DCAF8L2: variants seen among roughly 807,000 people sequenced by gnomAD.
DCAF8L2 encodes DDB1- and CUL4-associated factor 8-like protein 2.
For synonymous variants in DCAF8L2, 200 were observed against 190.9 expected (o/e 1.05, Z -0.39); for missense variants, 430 against 490.7 (o/e 0.88, Z 1.17).
the DCAF8L2 span, among the ~76,000 whole-genome samples, chrX:27,562,811 A>G: frequency 2.8e-4 from 31 of 112,196 alleles, no homozygotes; most frequent in Non-Finnish European, 1.7e-4. Context: ...CTCGGAAGCA[A>G]AAGTGGAAAG....
chrX:27,619,078 C>T (rs769379096), intron 1 of DCAF8L2, among the ~76,000 whole-genome samples: 1 of 109,511 alleles, frequency 9.1e-6, no homozygotes, highest in South Asian at 3.9e-4. Context: ...ACTTACCTAC[C>T]TATCCATCTA....
chrX:27,741,403 GCCCCTGCCCCCACC>G (rs1282256844), intron 4 of DCAF8L2, among the ~76,000 whole-genome samples: 2 of 65,764 alleles, frequency 3.0e-5, no homozygotes, highest in Non-Finnish European at 5.7e-5. Flanking sequence ...AGCCTAGCCC[GCCCCTGCCCCCACC>G]CCCATGCCCC....
chrX:27,484,219 T>G, the DCAF8L2 span, among the ~76,000 whole-genome samples: 2 of 111,743 alleles, frequency 1.8e-5, no homozygotes, highest in African/African-American at 6.5e-5. Context: ...GGCATTTGTA[T>G]AGTGTATACA....
In DCAF8L2 at chrX:27,720,530, C is replaced by T. The variant is rs957442320; in HGVS notation, c.-59+4359C>T. ...CTGGGACTACAGGCGCCCGCCACCGCGCCTGGCTAATTTTTTGTATTTTTA... is the reference window on the plus strand; with the variant it reads ...CTGGGACTACAGGCGCCCGCCACCGTGCCTGGCTAATTTTTTGTATTTTTA... On this transcript the variant is annotated intron_variant, in intron 4 of 4. Coordinates refer to ENST00000451261, the MANE Select transcript of DCAF8L2 (RefSeq NM_001353450.2). 9.9e-5 allele frequency among the ~76,000 whole-genome samples: 11 copies of T among 110,696 alleles called. No homozygotes were observed. In the East Asian group the frequency reaches 1.7e-3, roughly 17 times the overall value.
chrX:27,723,956 T>A (rs946522637), intron 4 of DCAF8L2, among the ~76,000 whole-genome samples: 15 of 111,069 alleles, frequency 1.4e-4, no homozygotes, highest in African/African-American at 3.6e-4. Context: ...AAAAACAAGA[T>A]AAAATATTGT....
rs144875718 is a variant in DCAF8L2, at chrX:27,718,993, A to G, written c.-59+2822A>G. Among the ~76,000 whole-genome samples, 160 of 111,524 alleles carry G rather than the reference A, an allele frequency of 1.4e-3. 4 individuals are homozygous for G. In the East Asian group the frequency reaches 0.042, roughly 29 times the overall value. On this transcript the variant is annotated intron_variant, in intron 4 of 4. Coordinates refer to ENST00000451261, the MANE Select transcript of DCAF8L2 (RefSeq NM_001353450.2). ...ACGCATATACACCCACATATATCCT[A>G]TTGCTTCTGTTTTTCTGAAGAATTT...
At chrX:27,506,985 C>T in the DCAF8L2 span, among the ~76,000 whole-genome samples, 2 of 110,945 alleles carry the variant, frequency 1.8e-5, no homozygotes, top group Admixed American at 9.7e-5. Flanking sequence ...TTTTTTTTCC[C>T]TTTGTCTTAT....
Position 27,747,303 on chromosome X carries a change from G to T in DCAF8L2, c.408G>T (p.Glu136Asp). 1 of 1,113,576 alleles carries T rather than the reference G, an allele frequency of 9.0e-7. No homozygotes were observed. The highest frequency in any genetic ancestry group is 3.3e-5 in the East Asian group (1 of 30,211). The allele number at this position is 1,113,576 out of a possible 1,213,427, so 91.8% of individuals were successfully genotyped here. A position where few individuals can be genotyped will look rare whatever the true frequency, so the allele number is the denominator to read the frequency against. Residue 136 changes from glutamate (E) to aspartate (D), a missense_variant, in exon 5 of 5, where the codon GAG (glutamate) becomes GAT (aspartate). Coordinates refer to ENST00000451261, the MANE Select transcript of DCAF8L2 (RefSeq NM_001353450.2). Reference sequence around the variant, plus strand: ...AGGAAGAGGAGGAGGAGGAGGAGGAGGAGGAGGAGGAGGAGGAGGAGGAGG... The same window carrying T: ...AGGAAGAGGAGGAGGAGGAGGAGGATGAGGAGGAGGAGGAGGAGGAGGAGG... ...EEEEEEEEEE[E>D]EEEEEEEEEE...
At chrX:27,604,047 T>G (rs1168643059) in intron 1 of DCAF8L2, among the ~76,000 whole-genome samples, 1 of 111,394 alleles carries the variant, frequency 9.0e-6, no homozygotes, top group Non-Finnish European at 1.9e-5. Flanking sequence ...CTCTGATATC[T>G]CATATTTGAC....
At chrX:27,711,429 T>C (rs1167339973) in intron 3 of DCAF8L2, among the ~76,000 whole-genome samples, 1 of 106,223 alleles carries the variant, frequency 9.4e-6, no homozygotes, top group East Asian at 2.9e-4. Context: ...GTGTGTATTA[T>C]ATATATATAT....
At chrX:27,509,488 G>C in the DCAF8L2 span, among the ~76,000 whole-genome samples, 1 of 112,122 alleles carries the variant, frequency 8.9e-6, no homozygotes, top group Non-Finnish European at 1.9e-5. Flanking sequence ...TATAAATAGT[G>C]ACTATAATTC....
intron 2 of DCAF8L2, among the ~76,000 whole-genome samples, chrX:27,663,543 A>G (rs1220051732): frequency 9.0e-6 from 1 of 111,160 alleles, no homozygotes; most frequent in Non-Finnish European, 1.9e-5. Flanking sequence ...ACACACAACA[A>G]TATAAGACAC....
the DCAF8L2 span, among the ~76,000 whole-genome samples, chrX:27,547,169 C>T: frequency 0.096 from 10,730 of 111,697 alleles, 408 homozygotes; most frequent in Non-Finnish European, 0.12. Flanking sequence ...CAAGAGTCAC[C>T]TTTGCTCCAG....
chrX:27,542,752 C>T, the DCAF8L2 span, among the ~76,000 whole-genome samples: 3 of 108,332 alleles, frequency 2.8e-5, no homozygotes, highest in East Asian at 8.7e-4. Context: ...CCGTTTTAGC[C>T]GGGATGGTCT....
intron 2 of DCAF8L2, among the ~76,000 whole-genome samples, chrX:27,647,419 A>T (rs914139259): frequency 1.8e-5 from 2 of 111,060 alleles, no homozygotes; most frequent in African/African-American, 6.6e-5. Context: ...GGAAGAGTGG[A>T]GGTGGGGAGA....
intron 1 of DCAF8L2, among the ~76,000 whole-genome samples, chrX:27,594,872 A>G (rs1393774556): frequency 1.8e-5 from 2 of 111,998 alleles, no homozygotes; most frequent in Non-Finnish European, 3.8e-5. Context: ...ATGATGTACC[A>G]TGCAATATTA....
chrX:27,690,083 C>A lies in DCAF8L2; in HGVS notation c.-143+12171C>A, dbSNP rs965596130. 2.7e-5 allele frequency among the ~76,000 whole-genome samples: 3 copies of A among 111,131 alleles called. No individual in the cohort carries two copies. The East Asian group carries it at 8.4e-4, about 31-fold the overall frequency. On this transcript the variant is annotated intron_variant, in intron 3 of 4. Transcript: ENST00000451261. Reference sequence around the variant, plus strand: ...CACTGTTTGTCAGTAGGGGATACTTCTGAAGAGAGACGGAGGGACTAAATC... The same window carrying A: ...CACTGTTTGTCAGTAGGGGATACTTATGAAGAGAGACGGAGGGACTAAATC...
At chrX:27,641,473 C>CTTTTTTTTTT (rs779757306) in intron 2 of DCAF8L2, among the ~76,000 whole-genome samples, 1 of 45,466 alleles carries the variant, frequency 2.2e-5, no homozygotes, top group East Asian at 9.3e-4. Context: ...CTTTACTTTT[C>CTTTTTTTTTT]TTTTTTTTTT....
chrX:27,470,392 GT>G, the DCAF8L2 span, among the ~76,000 whole-genome samples: 1 of 111,769 alleles, frequency 8.9e-6, no homozygotes, highest in Non-Finnish European at 1.9e-5. Context: ...TCCTACCCAG[GT>G]TCCTATTCAG....
Sources: allele counts gnomAD v4.1 joint callset (sites outside exome capture counted in the v4.1 genomes callset), GRCh38; gene constraint gnomAD v4.1.1; transcripts MANE v1.5; gene names NCBI Gene and HGNC (gene_info 2026-07-23, HGNC 2026-07-21).